SMG6: variants seen among roughly 807,000 people sequenced by gnomAD.
SMG6 encodes telomerase-binding protein EST1A.
In SMG6, 66 loss-of-function variants were observed where a neutral mutation model predicts 142.2. That is an observed-to-expected ratio of 0.46 (90% confidence interval 0.38 to 0.57). The LOEUF is 0.57. SMG6 is among the 20% of genes least tolerant of loss of function. The pLI is 0.00. For missense variants in SMG6, 1,793 were observed against 1,832.0 expected, an observed-to-expected ratio of 0.98 and a Z score of 0.39; for synonymous variants, 779 against 702.4, an observed-to-expected ratio of 1.11 and a Z score of -1.72.
intron 13 of SMG6, among the ~76,000 whole-genome samples, chr17:2,096,518 T>A (rs1388006527): frequency 1.3e-5 from 2 of 150,108 alleles, no homozygotes; most frequent in Non-Finnish European, 3.0e-5. Context: ...TAATGGCTAA[T>A]TTTTTTTTTG....
intron 13 of SMG6, chr17:2,088,284 TGTG>T (rs1251103013): frequency 5.1e-6 from 5 of 985,374 alleles, no homozygotes; most frequent in Non-Finnish European, 6.0e-6. Flanking sequence ...CATGTGTGGA[TGTG>T]GGACTCCTGG....
intron 1 of SMG6, among the ~76,000 whole-genome samples, chr17:2,302,858 G>A (rs554425029): frequency 3.3e-5 from 5 of 152,106 alleles, no homozygotes; most frequent in Non-Finnish European, 7.4e-5. Flanking sequence ...CTAGAGCAGC[G>A]GGAGAAAATA....
chr17:2,236,900 T>A, intron 9 of SMG6: 1 of 1,068,940 alleles, frequency 9.4e-7, no homozygotes, highest in Non-Finnish European at 1.2e-6. Context: ...TGAGTTATTA[T>A]GCTTTGGTAT....
intron 11 of SMG6, among the ~76,000 whole-genome samples, chr17:2,187,677 C>G (rs1221472805): frequency 6.6e-6 from 1 of 151,898 alleles, no homozygotes; most frequent in Non-Finnish European, 1.5e-5. Flanking sequence ...GAGTTCTCTG[C>G]ACTATTCTGG....
At chr17:2,144,474 T>C (rs573958155) in intron 13 of SMG6, among the ~76,000 whole-genome samples, 137 of 152,214 alleles carry the variant, frequency 9.0e-4, no homozygotes, top group Non-Finnish European at 1.7e-3. Context: ...CCCTAAGTAG[T>C]GGGTTTACAG....
intron 8 of SMG6, among the ~76,000 whole-genome samples, chr17:2,275,939 A>G (rs1288211787): frequency 6.6e-6 from 1 of 152,212 alleles, no homozygotes; most frequent in Non-Finnish European, 1.5e-5. Flanking sequence ...GAAAGATCCA[A>G]AGCAAATGCT....
At chr17:2,076,258 G>A (rs1298590955) in intron 15 of SMG6, among the ~76,000 whole-genome samples, 2 of 152,172 alleles carry the variant, frequency 1.3e-5, no homozygotes, top group Admixed American at 1.3e-4. Context: ...GACTGATGGA[G>A]TTCAGAGCAG....
At chr17:2,261,601 T>C (rs960288468) in intron 8 of SMG6, among the ~76,000 whole-genome samples, 4 of 152,202 alleles carry the variant, frequency 2.6e-5, no homozygotes, top group Non-Finnish European at 5.9e-5. Flanking sequence ...GTGGTAGACA[T>C]GCAGATGACT....
chr17:2,123,103 C>T (rs79160705), intron 13 of SMG6, among the ~76,000 whole-genome samples: 25 of 133,492 alleles, frequency 1.9e-4, no homozygotes, highest in Non-Finnish European at 4.8e-5. Context: ...GCTGCTCCAC[C>T]GCAGCCCTGA....
At chr17:2,253,189 T>G (rs1464377790) in intron 8 of SMG6, among the ~76,000 whole-genome samples, 1 of 151,860 alleles carries the variant, frequency 6.6e-6, no homozygotes, top group Non-Finnish European at 1.5e-5. Context: ...TCACCCAGGC[T>G]GGAGTGCAGT....
chr17:2,152,267 T>C (rs1157991286), intron 13 of SMG6, among the ~76,000 whole-genome samples: 1 of 152,218 alleles, frequency 6.6e-6, no homozygotes, highest in East Asian at 1.9e-4. Flanking sequence ...TCTTTCATTT[T>C]AAATAAACAG....
chr17:2,185,897 A>G (rs2071967540), intron 12 of SMG6, among the ~76,000 whole-genome samples: 1 of 152,180 alleles, frequency 6.6e-6, no homozygotes, highest in Non-Finnish European at 1.5e-5. Context: ...GACAAACTGC[A>G]GAAGACAGCA....
At chr17:2,111,586 T>C (rs1225361510) in intron 13 of SMG6, among the ~76,000 whole-genome samples, 1 of 152,156 alleles carries the variant, frequency 6.6e-6, no homozygotes, top group Non-Finnish European at 1.5e-5. Flanking sequence ...TAATTTTTTA[T>C]AGAAACGGGG....
chr17:2,105,627 T>C (rs1260233591), intron 13 of SMG6, among the ~76,000 whole-genome samples: 1 of 152,230 alleles, frequency 6.6e-6, no homozygotes. Context: ...GAAACAGTTC[T>C]GACGAATTTG....
At chr17:2,088,253 G>A (rs2068619885) in intron 13 of SMG6, 1 of 985,298 alleles carries the variant, frequency 1.0e-6, no homozygotes, top group Non-Finnish European at 1.2e-6. Flanking sequence ...CATGGTTTCT[G>A]GCCGACAGGG....
chr17:2,294,349 C>G (rs1191679481), intron 4 of SMG6, among the ~76,000 whole-genome samples: 5 of 152,162 alleles, frequency 3.3e-5, no homozygotes, highest in Non-Finnish European at 7.4e-5. Context: ...TCCACTTTGT[C>G]ATGTTGGTAA....
intron 15 of SMG6, among the ~76,000 whole-genome samples, chr17:2,076,372 A>G (rs1454343087): frequency 6.6e-6 from 1 of 152,206 alleles, no homozygotes; most frequent in African/African-American, 2.4e-5. Context: ...TGGCCTCTCC[A>G]GCTAGGAGCC....
chr17:2,100,564 G>T (rs2068978165), intron 13 of SMG6, among the ~76,000 whole-genome samples: 1 of 152,178 alleles, frequency 6.6e-6, no homozygotes, highest in South Asian at 2.1e-4. Context: ...TAGGACCTTA[G>T]AATGTGTACT....
intron 1 of SMG6, 49 bp downstream of exon 1, chr17:2,303,584 G>GGAGGC: frequency 7.3e-7 from 1 of 1,376,150 alleles, no homozygotes; most frequent in East Asian, 3.1e-5. Context: ...AGGAGGAGAG[G>GGAGGC]GAGGCGGGGC....
Sources: gnomAD v4.1 joint callset for allele counts (sites outside exome capture counted in the v4.1 genomes callset) on GRCh38, gnomAD v4.1.1 for gene constraint, MANE v1.5 for transcripts, NCBI Gene and HGNC (gene_info 2026-07-23, HGNC 2026-07-21) for gene names.